The following SHANK2 variants were observed in gnomAD, a reference collection of about 807,000 sequenced individuals.
SHANK2 encodes SH3 and multiple ankyrin repeat domains 2.
SHANK2 carries 43 observed loss-of-function variants against 133.7 expected under a neutral mutation model. The observed-to-expected ratio is 0.32, with a 90% CI of 0.25 to 0.41. The LOEUF (loss-of-function observed/expected upper bound fraction) is 0.41. SHANK2 is among the 10% of genes least tolerant of loss of function. The pLI is 1.00. For synonymous variants in SHANK2, 1,017 were observed against 952.8 expected, an observed-to-expected ratio of 1.07 and a Z score of -1.24; for missense variants, 1,994 against 2,235.8, an observed-to-expected ratio of 0.89 and a Z score of 2.18.
At chr11:70,699,133 A>G (rs1181919074) in intron 14 of SHANK2, among the ~76,000 whole-genome samples, 1 of 152,124 alleles carries the variant, frequency 6.6e-6, no homozygotes, top group Non-Finnish European at 1.5e-5. Flanking sequence ...CTAGAACAGC[A>G]TTCTGCCGTG....
At position 70,735,077 on chromosome 11, in the gene SHANK2, A is replaced by G. The variant is rs556890838; in HGVS notation, c.1778-36314T>C. 6.6e-5 allele frequency among the ~76,000 whole-genome samples: 10 copies of G among 152,290 alleles called. No individual in the cohort carries two copies. The South Asian group carries it at 2.1e-3, about 32-fold the overall frequency. The stretch of plus-strand genomic sequence containing the variant: ...AAGGGGACCCCTCCATCGCGGGGTC[A>G]GTGTGGGAAGGTGGGCGAGGCCGTG... On this transcript the variant is annotated intron_variant, in intron 14 of 25. Coordinates refer to ENST00000601538, the MANE Select transcript of SHANK2 (RefSeq NM_012309.5).
intron 10 of SHANK2, among the ~76,000 whole-genome samples, chr11:71,055,772 G>A (rs1311265225): frequency 7.1e-6 from 1 of 140,556 alleles, no homozygotes; most frequent in Non-Finnish European, 1.5e-5. Context: ...GGTTTTCTAG[G>A]GGCTGGGGGA....
At chr11:70,897,698 T>G (rs1452413164) in intron 10 of SHANK2, among the ~76,000 whole-genome samples, 1 of 152,238 alleles carries the variant, frequency 6.6e-6, no homozygotes, top group Non-Finnish European at 1.5e-5. Context: ...TATGAGGTGA[T>G]CTGGTAAGGT....
At chr11:71,199,705 C>T (rs781888495) in intron 2 of SHANK2, among the ~76,000 whole-genome samples, 2 of 152,156 alleles carry the variant, frequency 1.3e-5, no homozygotes, top group Non-Finnish European at 2.9e-5. Context: ...CGTCAGGAAC[C>T]GTGGAAGGAA....
chr11:70,720,205 C>T (rs1336535214), intron 14 of SHANK2, among the ~76,000 whole-genome samples: 1 of 152,226 alleles, frequency 6.6e-6, no homozygotes, highest in Admixed American at 6.5e-5. Flanking sequence ...CACCGACTAC[C>T]TGCACACACG....
At chr11:71,201,337 GACAAGC>G (rs1450411239) in intron 2 of SHANK2, among the ~76,000 whole-genome samples, 1 of 152,244 alleles carries the variant, frequency 6.6e-6, no homozygotes, top group Non-Finnish European at 1.5e-5. Context: ...TGATCCCGAG[GACAAGC>G]ACGTCTTTCC....
At chr11:71,165,075 C>G (rs1953113090) in intron 2 of SHANK2, among the ~76,000 whole-genome samples, 2 of 151,386 alleles carry the variant, frequency 1.3e-5, no homozygotes, top group African/African-American at 4.9e-5. Flanking sequence ...ACTGTGTTGC[C>G]CAGGCTGGAG....
At position 70,882,327 on chromosome 11, in the gene SHANK2, A is replaced by G. The variant is rs1565381348; in HGVS notation, c.1174+14174T>C. ...GGGAGAGGGGCCACTGCAGTGTGGAAGGCAGGCAGAAAGGCCCCTGGGCTG... is the reference window on the plus strand; with the variant it reads ...GGGAGAGGGGCCACTGCAGTGTGGAGGGCAGGCAGAAAGGCCCCTGGGCTG... On this transcript the variant is annotated intron_variant, in intron 11 of 25. Coordinates refer to ENST00000601538, the MANE Select transcript of SHANK2 (RefSeq NM_012309.5). This position sits in a 1 kb window ranked among gnomAD's most constrained non-coding sequence, Gnocchi z 4.2. 6.6e-6 allele frequency among the ~76,000 whole-genome samples: 1 copy of G among 152,180 alleles called. No homozygotes were observed. Among genetic ancestry groups the G allele is most frequent in the Non-Finnish European group, 1.5e-5 (1 of 68,034 alleles).
chr11:71,089,510 A>T (rs1247719903), intron 8 of SHANK2, among the ~76,000 whole-genome samples: 1 of 151,720 alleles, frequency 6.6e-6, no homozygotes, highest in Non-Finnish European at 1.5e-5. Context: ...CCCCACGGGA[A>T]CACCAGGGGC....
Position 71,175,018 on chromosome 11 carries a change from T to G in SHANK2, c.-12-27680A>C, listed in dbSNP as rs1486580616. Among the ~76,000 whole-genome samples the G allele has an allele frequency of 2.0e-5, 3 of 152,308 alleles. No homozygotes were observed. The East Asian group carries it at 5.8e-4, about 29-fold the overall frequency. ...TTGTCTCCCCCTCCTCCTCTCCCAG[T>G]TTACATGTCATGCTCTCAGATAAGC... On this transcript the variant is annotated intron_variant, in intron 2 of 25. Transcript: ENST00000601538. The surrounding 1 kb of genome is among the most constrained non-coding windows in gnomAD (Gnocchi z 4.2).
At chr11:70,542,717 C>T (rs1344276640) in intron 17 of SHANK2, among the ~76,000 whole-genome samples, 2 of 152,244 alleles carry the variant, frequency 1.3e-5, no homozygotes, top group African/African-American at 4.8e-5. Flanking sequence ...GCCTGAGTGG[C>T]TACTCCTGGA....
intron 17 of SHANK2, among the ~76,000 whole-genome samples, chr11:70,609,154 C>T (rs1034735942): frequency 1.3e-5 from 2 of 152,222 alleles, no homozygotes; most frequent in African/African-American, 4.8e-5. Flanking sequence ...GGCCGGCTCC[C>T]ACCTCTCAAA....
rs1313128451 is a variant in SHANK2 at position 71,092,538 on chromosome 11, T to G, written c.796A>C (p.Thr266Pro). The G allele has an allele frequency of 6.4e-7, 1 of 1,551,304 alleles. No individual in the cohort carries two copies. Among genetic ancestry groups the G allele is most frequent in the African/African-American group, 1.4e-5 (1 of 72,824 alleles). Reference protein sequence around the residue: ...SPDYKDSYGLTPLYHTAIVGG... With the variant: ...SPDYKDSYGLPPLYHTAIVGG... ...ACGATGGCTGTGTGATACAGCGGGG[T>G]GAGGCCGTAACTGTCTTTATAATCT... Residue 266 changes from threonine (T) to proline (P), a missense_variant, in exon 8 of 26, where the codon ACC (threonine) becomes CCC (proline). This residue lies in a region of SHANK2 where 653 missense variants were observed against 563.4 expected (regional missense o/e 1.16). Coordinates refer to ENST00000601538, the MANE Select transcript of SHANK2 (RefSeq NM_012309.5).
Position 70,487,621 on chromosome 11 carries a change from G to A in SHANK2, c.2672C>T (p.Pro891Leu), listed in dbSNP as rs1017806518. 3.1e-6 allele frequency: 5 copies of A among 1,606,476 alleles called. No individual in the cohort carries two copies. The highest frequency in any genetic ancestry group is 3.4e-6 in the Non-Finnish European group (4 of 1,176,344). Residue 891 changes from proline to leucine, a missense_variant, in exon 25 of 26, where the codon CCG (proline) becomes CTG (leucine). Pro to Leu is a moderately conservative substitution (Grantham distance 98). Coordinates refer to ENST00000601538, the MANE Select transcript of SHANK2 (RefSeq NM_012309.5). This position sits in a 1 kb window ranked among gnomAD's most constrained non-coding sequence, Gnocchi z 5.8. The stretch of plus-strand genomic sequence containing the variant: ...TGGTGGGGACGGGGGCACAGACTGC[G>A]GTGGAGGGGGGATGTCCTCAGAGGT... ...PDTSEDIPPP[P>L]QSVPPSPPPP...
chr11:70,852,437 G>C (rs1442747233), intron 11 of SHANK2, among the ~76,000 whole-genome samples: 1 of 152,194 alleles, frequency 6.6e-6, no homozygotes. Flanking sequence ...CAGGGCAGGA[G>C]GGTTGCAGGG....
intron 17 of SHANK2, chr11:70,634,158 AG>A (rs1381753809): frequency 6.6e-6 from 1 of 151,940 alleles, no homozygotes; most frequent in Non-Finnish European, 1.5e-5. Flanking sequence ...GTGCTAATGG[AG>A]GGGTTTCAGA....
At chr11:70,911,453 C>G (rs1265467144) in intron 10 of SHANK2, among the ~76,000 whole-genome samples, 3 of 152,216 alleles carry the variant, frequency 2.0e-5, no homozygotes, top group Non-Finnish European at 4.4e-5. Context: ...ACTCCACATT[C>G]TCACAGACAA....
chr11:71,093,052 G>GA (rs1555094453), intron 7 of SHANK2, among the ~76,000 whole-genome samples: 2 of 7,796 alleles, frequency 2.6e-4, no homozygotes, highest in African/African-American at 3.8e-4. Flanking sequence ...CAAAAATAAA[G>GA]GGGGGGGGGG....
chr11:70,803,245 C>A (rs1948087964), intron 13 of SHANK2, among the ~76,000 whole-genome samples: 1 of 142,140 alleles, frequency 7.0e-6, no homozygotes, highest in Admixed American at 7.3e-5. Flanking sequence ...ATCCAACTAC[C>A]CACCTATCCA....
Sources: gnomAD v4.1 joint callset for allele counts (sites outside exome capture counted in the v4.1 genomes callset) on GRCh38, gnomAD v4.1.1 for gene constraint, gnomAD v4.1.1 regional missense constraint, Gnocchi (gnomAD v3.1) non-coding constraint, MANE v1.5 for transcripts, NCBI Gene and HGNC (gene_info 2026-07-23, HGNC 2026-07-21) for gene names.